Variants in IL23R observed in about 807,000 individuals in gnomAD.
IL23R encodes the protein interleukin-23 receptor.
In IL23R, 34 loss-of-function variants were observed where a neutral mutation model predicts 56.9. That is an observed-to-expected ratio of 0.60 (90% CI 0.45 to 0.80). The LOEUF is 0.80. Ranked by LOEUF, IL23R falls within the 30% of genes least tolerant of loss-of-function variation. The pLI, the probability that IL23R is intolerant of heterozygous loss-of-function variation, is 0.00. For missense variants in IL23R, 635 were observed against 730.0 expected (o/e 0.87, Z 1.50); for synonymous variants, 230 against 249.2 (o/e 0.92, Z 0.73).
At chr1:67,231,368 T>C (rs1651091309) in intron 7 of IL23R, among the ~76,000 whole-genome samples, 1 of 152,212 alleles carries the variant, frequency 6.6e-6, no homozygotes, top group Admixed American at 6.5e-5. Context: ...AGTTCAACAA[T>C]AGCAATAATT....
At chr1:67,223,721 T>C (rs1650443426) in intron 7 of IL23R, among the ~76,000 whole-genome samples, 1 of 152,206 alleles carries the variant, frequency 6.6e-6, no homozygotes, top group Admixed American at 6.5e-5. Flanking sequence ...TCTTACTTAA[T>C]CTACCCTGTT....
intron 4 of IL23R, among the ~76,000 whole-genome samples, chr1:67,185,917 CAACTT>C (rs1251002897): frequency 3.3e-5 from 5 of 152,314 alleles, no homozygotes; most frequent in African/African-American, 1.2e-4. Flanking sequence ...CTTCAATTCT[CAACTT>C]AACCTTGTGA....
chr1:67,177,444 TGCC>T (rs1647025867), intron 3 of IL23R, among the ~76,000 whole-genome samples: 1 of 151,688 alleles, frequency 6.6e-6, no homozygotes, highest in African/African-American at 2.4e-5. Flanking sequence ...TCATATCTGT[TGCC>T]CACTTTTTGA....
At chr1:67,179,008 A>T (rs1647051611) in intron 3 of IL23R, among the ~76,000 whole-genome samples, 2 of 152,074 alleles carry the variant, frequency 1.3e-5, no homozygotes, top group Non-Finnish European at 1.5e-5. Flanking sequence ...GTGCTGTTGG[A>T]TTCGGTTTGC....
At chr1:67,208,828 G>A (rs955146148) in intron 6 of IL23R, among the ~76,000 whole-genome samples, 1 of 152,194 alleles carries the variant, frequency 6.6e-6, no homozygotes, top group Non-Finnish European at 1.5e-5. Context: ...CCATCCTCCA[G>A]ATTCCAGAAT....
At chr1:67,264,045 T>C (rs72678504), downstream of IL23R, among the ~76,000 whole-genome samples, 12,541 of 152,178 alleles carry the variant, frequency 0.082, 615 homozygotes, top group Non-Finnish European at 0.1. Context: ...CTTCTATACT[T>C]AGGAGACTGG....
rs746045129 is a variant in IL23R at position 67,219,777 on chromosome 1, T to A, written c.955+47T>A. 5.8e-6 allele frequency: 9 copies of A among 1,558,712 alleles called. No homozygotes were observed. In the African/African-American group the frequency reaches 1.1e-4, roughly 19 times the overall value. ...ATTCTGTTGGGCTTTTCTTTATATA[T>A]CTTTTCTGCTGAGCACAGTGGCTCA... On this transcript the variant is annotated intron_variant, in intron 7 of 10. Coordinates refer to ENST00000347310, the MANE Select transcript of IL23R (RefSeq NM_144701.3).
At chr1:67,206,646 AGGT>A (rs1197307028) in intron 5 of IL23R, among the ~76,000 whole-genome samples, 1 of 151,336 alleles carries the variant, frequency 6.6e-6, no homozygotes, top group East Asian at 1.9e-4. Context: ...AGGGAGTGAA[AGGT>A]GGGGGAAAGA....
chr1:67,193,582 C>T (rs1175283368), intron 4 of IL23R, among the ~76,000 whole-genome samples: 1 of 151,928 alleles, frequency 6.6e-6, no homozygotes, highest in Non-Finnish European at 1.5e-5. Context: ...ATGAATTATA[C>T]TAACTCCCTT....
chr1:67,240,841 C>CA lies in IL23R; in HGVS notation c.1148+570dup, dbSNP rs113012344. The stretch of plus-strand genomic sequence containing the variant: ...CTTGTGGTCAGAGCAAATGTATAGA[C>CA]AAAAAAAAAAGTGACACATAGAAAT... On this transcript the variant is annotated intron_variant, in intron 9 of 10. Transcript: ENST00000347310. Among the ~76,000 whole-genome samples, 783 of 148,198 alleles carry CA rather than the reference C, an allele frequency of 5.3e-3. 3 individuals are homozygous for CA. Among genetic ancestry groups the CA allele is most frequent in the Non-Finnish European group, 8.5e-3 (570 of 66,838 alleles).
chr1:67,265,812 A>G, the IL23R span, among the ~76,000 whole-genome samples: 41 of 152,214 alleles, frequency 2.7e-4, no homozygotes, highest in East Asian at 3.7e-3. Flanking sequence ...AAGCTGAAGT[A>G]GGAGGACTGC....
At chr1:67,226,934 G>A (rs1156537989) in intron 7 of IL23R, among the ~76,000 whole-genome samples, 1 of 152,170 alleles carries the variant, frequency 6.6e-6, no homozygotes, top group Non-Finnish European at 1.5e-5. Context: ...CAAAGCACAG[G>A]ATATAGGACT....
intron 7 of IL23R, among the ~76,000 whole-genome samples, chr1:67,234,390 CAAAT>C (rs1490139414): frequency 3.9e-5 from 6 of 152,162 alleles, no homozygotes; most frequent in Admixed American, 3.9e-4. Context: ...ACTATGATAA[CAAAT>C]AGACTCTAAA....
chr1:67,170,433 C>T (rs1646928864), intron 3 of IL23R, among the ~76,000 whole-genome samples: 1 of 152,024 alleles, frequency 6.6e-6, no homozygotes, highest in Non-Finnish European at 1.5e-5. Flanking sequence ...TTAAAACCCA[C>T]CTTGAAGGGA....
intron 3 of IL23R, among the ~76,000 whole-genome samples, chr1:67,170,565 A>G (rs529510914): frequency 2.2e-4 from 34 of 152,334 alleles, no homozygotes; most frequent in African/African-American, 7.9e-4. Context: ...GCTGGCTCGT[A>G]TAATTATATA....
intron 4 of IL23R, among the ~76,000 whole-genome samples, chr1:67,184,994 G>A (rs549038924): frequency 2.6e-5 from 4 of 152,342 alleles, no homozygotes; most frequent in East Asian, 3.9e-4. Flanking sequence ...ACCAGAAGGT[G>A]CTGTCTGTAA....
chr1:67,157,521 C>T (rs1248641831), intron 1 of IL23R, among the ~76,000 whole-genome samples: 2 of 152,142 alleles, frequency 1.3e-5, no homozygotes, highest in African/African-American at 2.4e-5. Context: ...ACGTCTCTGA[C>T]CCCCATTTCC....
rs1039877664 is a variant in IL23R, at chr1:67,258,358, A to T, written c.1240-120A>T. 4.5e-6 allele frequency: 3 copies of T among 672,328 alleles called. No individual in the cohort carries two copies. In the African/African-American group the frequency reaches 5.3e-5, roughly 12 times the overall value. 41.6% of individuals were successfully genotyped at this position (672,328 alleles called of 1,614,324 possible). On this transcript the variant is annotated intron_variant, in intron 10 of 10. Coordinates refer to ENST00000347310, the MANE Select transcript of IL23R (RefSeq NM_144701.3). The stretch of plus-strand genomic sequence containing the variant: ...GAAATCATATGGGAAGATAAACAAT[A>T]TGAGAAAATGGAGGGAGAAAGGAAA...
chr1:67,154,929 G>T (rs1353112007), intron 1 of IL23R, among the ~76,000 whole-genome samples: 3 of 152,092 alleles, frequency 2.0e-5, no homozygotes, highest in African/African-American at 7.2e-5. Flanking sequence ...GCTGGTACTG[G>T]TTTTTTTCTT....
Sources: gnomAD v4.1 joint callset for allele counts (sites outside exome capture counted in the v4.1 genomes callset) on GRCh38, gnomAD v4.1.1 for gene constraint, MANE v1.5 for transcripts, NCBI Gene and HGNC (gene_info 2026-07-23, HGNC 2026-07-21) for gene names.